Variants in CDH13 observed in about 807,000 individuals in gnomAD.
CDH13 encodes cadherin 13.
CDH13 carries 24 observed loss-of-function variants against 63.8 expected under a neutral mutation model. The observed-to-expected ratio is 0.38, with a 90% confidence interval of 0.27 to 0.53. CDH13 has a LOEUF of 0.53. Among genes scored for constraint, CDH13 ranks in the 20% least tolerant of loss-of-function variants. CDH13 has a pLI of 0.85. For missense variants in CDH13, 1,049 were observed against 903.1 expected, an observed-to-expected ratio of 1.16 and a Z score of -2.07; for synonymous variants, 503 against 355.3, an observed-to-expected ratio of 1.42 and a Z score of -4.67.
chr16:82,787,110 T>C (rs576273397), intron 1 of CDH13, among the ~76,000 whole-genome samples: 3 of 152,196 alleles, frequency 2.0e-5, no homozygotes, highest in Non-Finnish European at 4.4e-5. Context: ...TAAGACAAAA[T>C]GAGTCCATGG....
chr16:83,495,260 T>A (rs982808835), intron 7 of CDH13, among the ~76,000 whole-genome samples: 30 of 152,184 alleles, frequency 2.0e-4, no homozygotes, highest in African/African-American at 7.0e-4. Context: ...GTACAATGGT[T>A]CGGTCTGGAA....
intron 7 of CDH13, among the ~76,000 whole-genome samples, chr16:83,534,167 TC>T (rs1239203821): frequency 6.6e-6 from 1 of 152,142 alleles, no homozygotes; most frequent in Non-Finnish European, 1.5e-5. Flanking sequence ...CTACTTTCTG[TC>T]TTTAAGGATT....
At chr16:82,739,168 CTTG>C (rs1365000728) in intron 1 of CDH13, among the ~76,000 whole-genome samples, 2 of 152,134 alleles carry the variant, frequency 1.3e-5, no homozygotes, top group African/African-American at 4.8e-5. Context: ...ATAAAGATAA[CTTG>C]TTAATTGCTT....
At chr16:82,798,225 CCT>C (rs2036682548) in intron 1 of CDH13, among the ~76,000 whole-genome samples, 1 of 152,134 alleles carries the variant, frequency 6.6e-6, no homozygotes, top group African/African-American at 2.4e-5. Context: ...TGGATATCAT[CCT>C]CTCCAGTTTA....
chr16:83,259,905 AGATTGCTCATCGTGCAACC>A (rs1906755897), intron 5 of CDH13, among the ~76,000 whole-genome samples: 1 of 152,174 alleles, frequency 6.6e-6, no homozygotes, highest in Non-Finnish European at 1.5e-5. Flanking sequence ...GGAGAAATTC[AGATTGCTCATCGTGCAACC>A]AAATGAACAT....
intron 1 of CDH13, among the ~76,000 whole-genome samples, chr16:82,705,715 A>G (rs1597369473): frequency 6.6e-6 from 1 of 152,206 alleles, no homozygotes; most frequent in South Asian, 2.1e-4. Flanking sequence ...AAAAAAATCA[A>G]TAATGCTTTA....
chr16:83,771,570 T>C (rs1914764672), intron 11 of CDH13, among the ~76,000 whole-genome samples: 1 of 152,196 alleles, frequency 6.6e-6, no homozygotes, highest in Non-Finnish European at 1.5e-5. Context: ...CATAGTCCTC[T>C]AGAGCAACAG....
chr16:83,490,928 C>A (rs73603864), intron 7 of CDH13, among the ~76,000 whole-genome samples: 1,740 of 152,334 alleles, frequency 0.011, 27 homozygotes, highest in African/African-American at 0.04. Context: ...TCTGTTCTCT[C>A]TCTCTATTCC....
chr16:83,553,606 G>A (rs1002315079), intron 7 of CDH13, among the ~76,000 whole-genome samples: 2 of 152,190 alleles, frequency 1.3e-5, no homozygotes, highest in African/African-American at 4.8e-5. Flanking sequence ...GCCCAGGCTG[G>A]AGTGCTGAGG....
intron 3 of CDH13, among the ~76,000 whole-genome samples, chr16:83,034,336 T>C (rs959955331): frequency 3.9e-5 from 6 of 152,148 alleles, no homozygotes; most frequent in Admixed American, 6.5e-5. Flanking sequence ...CCCTTCAGCA[T>C]CTGTGAAGCT....
At chr16:83,120,392 G>A (rs928827043) in intron 3 of CDH13, among the ~76,000 whole-genome samples, 9 of 152,276 alleles carry the variant, frequency 5.9e-5, no homozygotes, top group Non-Finnish European at 1.2e-4. Flanking sequence ...CCATTTGTGG[G>A]TATGAAAACA....
chr16:83,389,295 A>G (rs780492287), intron 6 of CDH13, among the ~76,000 whole-genome samples: 12 of 152,140 alleles, frequency 7.9e-5, no homozygotes, highest in Non-Finnish European at 1.0e-4. Context: ...GTTTTAGTGT[A>G]TAAGCATTTT....
rs184887854 is a variant in CDH13, at chr16:83,360,624, G to T, written c.781+15618G>T. Among the ~76,000 whole-genome samples, 410 of 152,162 alleles carry T rather than the reference G, an allele frequency of 2.7e-3. 3 individuals carry two copies. The highest frequency in any genetic ancestry group is 9.4e-3 in the African/African-American group (391 of 41,524). On this transcript the variant is annotated intron_variant, in intron 6 of 13. Transcript: ENST00000567109. ...CAACCCTTTCTCACCAGCACCCTCCGCTAGTCCCCAGCGTCTGTTATTGCC... is the reference window on the plus strand; with the variant it reads ...CAACCCTTTCTCACCAGCACCCTCCTCTAGTCCCCAGCGTCTGTTATTGCC...
intron 2 of CDH13, among the ~76,000 whole-genome samples, chr16:82,924,512 C>G (rs7404932): frequency 0.38 from 58,237 of 152,002 alleles, 12,241 homozygotes; most frequent in Non-Finnish European, 0.47. Flanking sequence ...GCTTTTATTT[C>G]TGCACTGCCG....
intron 2 of CDH13, among the ~76,000 whole-genome samples, chr16:82,945,691 A>G (rs772047907): frequency 5.9e-5 from 9 of 152,170 alleles, no homozygotes; most frequent in Non-Finnish European, 1.0e-4. Flanking sequence ...TCCCATCTGC[A>G]AGGAAAGGAA....
chr16:83,157,627 G>C (rs1486733783), intron 4 of CDH13, among the ~76,000 whole-genome samples: 1 of 151,812 alleles, frequency 6.6e-6, no homozygotes, highest in East Asian at 1.9e-4. Context: ...GGGCGCGGTG[G>C]TTCACACCTG....
At chr16:83,751,372 A>G (rs1913068796) in intron 11 of CDH13, among the ~76,000 whole-genome samples, 1 of 152,178 alleles carries the variant, frequency 6.6e-6, no homozygotes, top group Non-Finnish European at 1.5e-5. Flanking sequence ...AGGTGGGCAG[A>G]TCGCTTGAGG....
intron 10 of CDH13, among the ~76,000 whole-genome samples, chr16:83,688,264 C>G (rs1056189712): frequency 6.6e-6 from 1 of 152,112 alleles, no homozygotes; most frequent in Non-Finnish European, 1.5e-5. Context: ...CTTCTAAGAC[C>G]TTTGGAAGAA....
At chr16:83,302,940 G>A (rs934158653) in intron 5 of CDH13, among the ~76,000 whole-genome samples, 5 of 152,198 alleles carry the variant, frequency 3.3e-5, no homozygotes, top group Non-Finnish European at 7.3e-5. Context: ...AGTCACTACA[G>A]TTGCTCAAAA....
Sources: gnomAD v4.1 joint callset for allele counts (sites outside exome capture counted in the v4.1 genomes callset) on GRCh38, gnomAD v4.1.1 for gene constraint, MANE v1.5 for transcripts, NCBI Gene and HGNC (gene_info 2026-07-23, HGNC 2026-07-21) for gene names.